The following OSBPL6 variants were observed in gnomAD, a reference collection of about 807,000 sequenced individuals.
OSBPL6 encodes the protein oxysterol-binding protein-related protein 6.
A neutral mutation model predicts 125.8 loss-of-function variants in OSBPL6; 49 were observed. The ratio of observed to expected loss-of-function variants is 0.39; its 90% confidence interval spans 0.31 to 0.49. The LOEUF is 0.49. Among genes scored for constraint, OSBPL6 ranks in the 20% least tolerant of loss-of-function variants. The probability of loss-of-function intolerance (pLI) is 0.88; values close to 1 mark genes in which losing one functional copy is unlikely to be tolerated. For missense variants in OSBPL6, 986 were observed against 1,135.4 expected, an observed-to-expected ratio of 0.87 and a Z score of 1.89; for synonymous variants, 394 against 391.8, an observed-to-expected ratio of 1.01 and a Z score of -0.07.
At chr2:178,238,987 C>A (rs2091176023) in intron 1 of OSBPL6, among the ~76,000 whole-genome samples, 1 of 152,158 alleles carries the variant, frequency 6.6e-6, no homozygotes, top group Non-Finnish European at 1.5e-5. Context: ...TCCATCCAGG[C>A]TTATGTGTCC....
intron 1 of OSBPL6, among the ~76,000 whole-genome samples, chr2:178,204,047 A>G (rs1367233765): frequency 3.0e-5 from 4 of 131,392 alleles, no homozygotes; most frequent in Admixed American, 1.6e-4. Context: ...TTTTTTTGAG[A>G]CAATCTCACC....
intron 1 of OSBPL6, among the ~76,000 whole-genome samples, chr2:178,226,413 G>T (rs1474861518): frequency 6.6e-6 from 1 of 152,154 alleles, no homozygotes; most frequent in Non-Finnish European, 1.5e-5. Flanking sequence ...CCAGAGAAGG[G>T]CAGAGAAGGC....
intron 3 of OSBPL6, among the ~76,000 whole-genome samples, chr2:178,307,324 A>G (rs1203982493): frequency 1.3e-5 from 2 of 151,942 alleles, no homozygotes; most frequent in African/African-American, 4.8e-5. Flanking sequence ...AACCCTCCCA[A>G]CACTCTCTCT....
intron 1 of OSBPL6, among the ~76,000 whole-genome samples, chr2:178,211,264 T>C (rs969432557): frequency 7.9e-5 from 12 of 152,140 alleles, no homozygotes; most frequent in Non-Finnish European, 1.6e-4. Context: ...AGTGAGATCC[T>C]ATCTCAAAAA....
intron 12 of OSBPL6, 79 bp downstream of exon 12, chr2:178,349,468 C>G (rs376173486): frequency 6.7e-7 from 1 of 1,492,410 alleles, no homozygotes; most frequent in Non-Finnish European, 9.1e-7. Flanking sequence ...TTATCTTTGT[C>G]TTTGTGGTAA....
chr2:178,391,347 A>G (rs1695389466), intron 22 of OSBPL6, 130 bp downstream of exon 22: 2 of 913,364 alleles, frequency 2.2e-6, no homozygotes, highest in Non-Finnish European at 1.5e-6. Context: ...GTAGATGCTT[A>G]TGGCAATTAT....
chr2:178,385,534 A>T lies in OSBPL6; in HGVS notation c.2077+13A>T. ...GTGTTTTGGCAAGGTTTGTATTTCA[A>T]TTATAATTTAAAATCAAATGTATGA... On this transcript the variant is annotated intron_variant, in intron 19 of 24. Transcript: ENST00000190611. 1 of 1,569,764 alleles carries T rather than the reference A, an allele frequency of 6.4e-7. No individual in the cohort carries two copies. The highest frequency in any genetic ancestry group is 1.1e-5 in the South Asian group (1 of 89,790).
At chr2:178,286,841 C>G (rs1332681589) in intron 2 of OSBPL6, among the ~76,000 whole-genome samples, 1 of 152,182 alleles carries the variant, frequency 6.6e-6, no homozygotes, top group Non-Finnish European at 1.5e-5. Flanking sequence ...TCTATATGTG[C>G]AGAGCTTTTA....
chr2:178,363,143 G>A (rs1692506703), intron 13 of OSBPL6, among the ~76,000 whole-genome samples: 1 of 152,176 alleles, frequency 6.6e-6, no homozygotes, highest in Non-Finnish European at 1.5e-5. Flanking sequence ...TAATGATGGA[G>A]GCTTAGAGTT....
intron 11 of OSBPL6, among the ~76,000 whole-genome samples, chr2:178,343,777 A>G (rs886195217): frequency 6.6e-6 from 1 of 152,070 alleles, no homozygotes; most frequent in Non-Finnish European, 1.5e-5. Context: ...AAGTCGAAGA[A>G]CCCTCATACC....
intron 3 of OSBPL6, among the ~76,000 whole-genome samples, chr2:178,322,733 C>T (rs1327407194): frequency 1.3e-5 from 2 of 151,896 alleles, no homozygotes; most frequent in African/African-American, 4.8e-5. Context: ...TCAAAAATTA[C>T]GTTGGAAACT....
chr2:178,318,390 T>C (rs1013380980), intron 3 of OSBPL6, among the ~76,000 whole-genome samples: 1 of 152,210 alleles, frequency 6.6e-6, no homozygotes, highest in Non-Finnish European at 1.5e-5. Context: ...TTTTCTACTT[T>C]CATTCATTTT....
chr2:178,219,596 G>A (rs1006951239), intron 1 of OSBPL6, among the ~76,000 whole-genome samples: 5 of 152,182 alleles, frequency 3.3e-5, no homozygotes, highest in Non-Finnish European at 4.4e-5. Flanking sequence ...GTCAGCCTCC[G>A]AATGGCTGAT....
At chr2:178,351,553 TA>T (rs536424301) in intron 12 of OSBPL6, among the ~76,000 whole-genome samples, 23 of 151,964 alleles carry the variant, frequency 1.5e-4, no homozygotes, top group South Asian at 4.2e-4. Context: ...CTGAGAACTA[TA>T]AAAAAAATTG....
At chr2:178,268,422 C>T (rs1350239297) in intron 1 of OSBPL6, among the ~76,000 whole-genome samples, 5 of 148,870 alleles carry the variant, frequency 3.4e-5, no homozygotes, top group Middle Eastern at 3.5e-3. Flanking sequence ...TAGTAAAGTA[C>T]ACACATCTTA....
intron 24 of OSBPL6, 33 bp from the exon 25 acceptor site, chr2:178,395,418 T>A: frequency 6.7e-7 from 1 of 1,494,776 alleles, no homozygotes; most frequent in Non-Finnish European, 9.3e-7. Context: ...TTGATGTGAT[T>A]CATGACTAAT....
At chr2:178,308,571 G>A (rs1247423413) in intron 3 of OSBPL6, among the ~76,000 whole-genome samples, 6 of 152,118 alleles carry the variant, frequency 3.9e-5, no homozygotes, top group Non-Finnish European at 7.4e-5. Flanking sequence ...AGTTCTAATC[G>A]TAGGTAACTA....
intron 1 of OSBPL6, among the ~76,000 whole-genome samples, chr2:178,214,556 G>A (rs1397437017): frequency 6.6e-6 from 1 of 152,188 alleles, no homozygotes; most frequent in African/African-American, 2.4e-5. Context: ...CGGGGAACTC[G>A]GCTCTGCCCT....
intron 1 of OSBPL6, among the ~76,000 whole-genome samples, chr2:178,280,325 T>A (rs1240014632): frequency 6.6e-6 from 1 of 152,240 alleles, no homozygotes; most frequent in Non-Finnish European, 1.5e-5. Context: ...AACCTGTATG[T>A]CCTAATCAAG....
Sources: allele counts gnomAD v4.1 joint callset (sites outside exome capture counted in the v4.1 genomes callset), GRCh38; gene constraint gnomAD v4.1.1; transcripts MANE v1.5; gene names NCBI Gene and HGNC (gene_info 2026-07-23, HGNC 2026-07-21).